The following VPS13D variants were observed in gnomAD, a reference collection of about 807,000 sequenced individuals.
VPS13D encodes the protein intermembrane lipid transfer protein VPS13D.
In VPS13D, 187 loss-of-function variants were observed where a neutral mutation model predicts 461.9. The observed-to-expected ratio is 0.40, with a 90% CI of 0.36 to 0.46. The LOEUF (loss-of-function observed/expected upper bound fraction) is 0.46, where lower values mean the gene tolerates loss of function less well. VPS13D is among the 20% of genes least tolerant of loss of function. VPS13D has a pLI of 0.60. For missense variants in VPS13D, 4,711 were observed against 5,364.9 expected, an observed-to-expected ratio of 0.88 and a Z score of 3.81; for synonymous variants, 1,951 against 1,986.3, an observed-to-expected ratio of 0.98 and a Z score of 0.47.
Position 12,507,395 on chromosome 1 carries a change from G to A in VPS13D, c.13035+302G>A. 1.7e-6 allele frequency: 1 copy of A among 603,486 alleles called. No homozygotes were observed. The highest frequency in any genetic ancestry group is 1.4e-5 in the South Asian group (1 of 71,212). The allele number at this position is 603,486 out of a possible 1,614,324, so 37.4% of individuals were successfully genotyped here. On this transcript the variant is annotated intron_variant, in intron 69 of 69. Transcript: ENST00000620676. The surrounding 1 kb of genome is among the most constrained non-coding windows in gnomAD (Gnocchi z 5.3). ...TTACTCTCGTTGGTGATAAGGAACA[G>A]CTAACACAACACACAGGGTTTTTCT...
At chr1:12,452,498 G>A (rs1291613344) in intron 65 of VPS13D, among the ~76,000 whole-genome samples, 2 of 152,240 alleles carry the variant, frequency 1.3e-5, no homozygotes, top group African/African-American at 4.8e-5. Context: ...TCCCTCCACA[G>A]CCCACTTGTT....
At chr1:12,451,343 C>T (rs937164167) in intron 65 of VPS13D, among the ~76,000 whole-genome samples, 4 of 152,140 alleles carry the variant, frequency 2.6e-5, no homozygotes, top group African/African-American at 9.7e-5. Context: ...TACCCCCTTG[C>T]TGAAAATATT....
intron 37 of VPS13D, among the ~76,000 whole-genome samples, chr1:12,332,546 T>A (rs559835801): frequency 1.3e-5 from 2 of 152,314 alleles, no homozygotes; most frequent in East Asian, 3.9e-4. Context: ...AAGGTATATA[T>A]GCTTGGTAAA....
intron 65 of VPS13D, among the ~76,000 whole-genome samples, chr1:12,430,124 G>T (rs1644973008): frequency 6.6e-6 from 1 of 152,122 alleles, no homozygotes; most frequent in African/African-American, 2.4e-5. Flanking sequence ...GGCCATTGAG[G>T]TAATTTTCTC....
At chr1:12,358,357 A>G in intron 49 of VPS13D, 102 bp from the exon 50 acceptor site, 3 of 1,457,926 alleles carry the variant, frequency 2.1e-6, no homozygotes, top group Non-Finnish European at 2.8e-6. Flanking sequence ...AGTGGTAGAG[A>G]TGGAACTTGG....
At chr1:12,466,649 A>T (rs1389784333) in intron 67 of VPS13D, among the ~76,000 whole-genome samples, 1 of 152,206 alleles carries the variant, frequency 6.6e-6, no homozygotes, top group African/African-American at 2.4e-5. Flanking sequence ...GGTACGCTGT[A>T]GTAGCATCCA....
Position 12,358,518 on chromosome 1 carries a change from G to A in VPS13D, c.10058G>A (p.Gly3353Asp). The change falls in exon 50 of 70, where the codon GGC becomes GAC. Residue 3353 changes from glycine to aspartate, a missense_variant. Transcript: ENST00000620676. Reference protein sequence around the residue: ...HPEGMPGWCQGFSLDGGSGVR... With the variant: ...HPEGMPGWCQDFSLDGGSGVR... Reference sequence around the variant, plus strand: ...GAAGGCATGCCGGGCTGGTGTCAGGGCTTCTCCCTGGATGGTGGTAGTGGT... The same window carrying A: ...GAAGGCATGCCGGGCTGGTGTCAGGACTTCTCCCTGGATGGTGGTAGTGGT... The A allele has an allele frequency of 6.2e-7, 1 of 1,614,182 alleles. No individual in the cohort carries two copies. The highest frequency in any genetic ancestry group is 8.5e-7 in the Non-Finnish European group (1 of 1,180,028).
At chr1:12,265,511 A>G (rs149530311) in intron 13 of VPS13D, among the ~76,000 whole-genome samples, 42 of 152,294 alleles carry the variant, frequency 2.8e-4, no homozygotes, top group African/African-American at 9.1e-4. Context: ...TGATGGACCT[A>G]GGTAAAGTAT....
At chr1:12,312,156 G>A (rs894875479) in intron 29 of VPS13D, among the ~76,000 whole-genome samples, 21 of 152,326 alleles carry the variant, frequency 1.4e-4, no homozygotes, top group African/African-American at 5.1e-4. Flanking sequence ...AAGTATCAGT[G>A]ACTTAAAACA....
chr1:12,488,137 T>C (rs1260950643), intron 67 of VPS13D, among the ~76,000 whole-genome samples: 2 of 152,212 alleles, frequency 1.3e-5, no homozygotes, highest in South Asian at 2.1e-4. Context: ...GGAGAACTTG[T>C]CCCCCAGGGT....
chr1:12,433,580 A>G (rs1260571068), intron 65 of VPS13D, among the ~76,000 whole-genome samples: 2 of 152,202 alleles, frequency 1.3e-5, no homozygotes, highest in Non-Finnish European at 2.9e-5. Flanking sequence ...GGTCATTCCA[A>G]GTTCACGCAG....
chr1:12,485,339 C>T (rs767164157), intron 67 of VPS13D, among the ~76,000 whole-genome samples: 1 of 152,200 alleles, frequency 6.6e-6, no homozygotes, highest in African/African-American at 2.4e-5. Flanking sequence ...GGCAGGATGG[C>T]CAGCCCAGGG....
chr1:12,314,102 T>G lies in VPS13D; in HGVS notation c.6936-13T>G. On this transcript the variant is annotated splice_polypyrimidine_tract_variant and intron_variant, in intron 29 of 69. Coordinates refer to ENST00000620676, the MANE Select transcript of VPS13D (RefSeq NM_015378.4). The stretch of plus-strand genomic sequence containing the variant: ...TGTTTCACATCTTGCTTGCTTTCTT[T>G]TCTCTCTTTTAGATTTGACTTCAAG... The G allele has an allele frequency of 1.2e-6, 2 of 1,611,362 alleles. No individual in the cohort carries two copies. Among genetic ancestry groups the G allele is most frequent in the African/African-American group, 1.3e-5 (1 of 75,010 alleles).
intron 57 of VPS13D, among the ~76,000 whole-genome samples, chr1:12,381,991 TC>T (rs1644287512): frequency 6.7e-6 from 1 of 148,562 alleles, no homozygotes; most frequent in Admixed American, 6.8e-5. Flanking sequence ...TCTCTCTCTC[TC>T]TCTCCTTCCT....
Position 12,348,882 on chromosome 1 carries a change from G to GAAAGTCATCACTGTCCGGTCAGC in VPS13D, c.9130_9152dup (p.Leu3052LysfsTer11). ...CAGTGACTATGGAAGGCAGTGCACGGAAAGTCATCACTGTCCGGTCAGCCC... is the reference window on the plus strand; with the variant it reads ...CAGTGACTATGGAAGGCAGTGCACGGAAAGTCATCACTGTCCGGTCAGCAAAGTCATCACTGTCCGGTCAGCCC... On this transcript the variant is annotated frameshift_variant, in exon 45 of 70. Transcript: ENST00000620676. LOFTEE classifies it high-confidence loss of function. 1 of 1,614,170 alleles carries GAAAGTCATCACTGTCCGGTCAGC rather than the reference G, an allele frequency of 6.2e-7. No individual in the cohort carries two copies. Among genetic ancestry groups the GAAAGTCATCACTGTCCGGTCAGC allele is most frequent in the Non-Finnish European group, 8.5e-7 (1 of 1,180,032 alleles).
chr1:12,417,094 C>T (rs1307943176), intron 65 of VPS13D, among the ~76,000 whole-genome samples: 5 of 152,110 alleles, frequency 3.3e-5, no homozygotes, highest in Non-Finnish European at 7.4e-5. Flanking sequence ...TGCAATAGCC[C>T]CCAGCACCCT....
chr1:12,462,855 AG>A (rs1287201928), intron 67 of VPS13D, among the ~76,000 whole-genome samples: 6 of 152,328 alleles, frequency 3.9e-5, no homozygotes, highest in African/African-American at 1.4e-4. Context: ...CCTCAGCAGC[AG>A]AGACCATGCC....
intron 55 of VPS13D, among the ~76,000 whole-genome samples, chr1:12,377,312 G>A (rs1644213076): frequency 1.3e-5 from 2 of 150,376 alleles, no homozygotes; most frequent in Admixed American, 6.6e-5. Flanking sequence ...CACCTGCCTC[G>A]GCCTCCCAAA....
intron 27 of VPS13D, among the ~76,000 whole-genome samples, 198 bp downstream of exon 27, chr1:12,308,839 A>T (rs1214624789): frequency 6.6e-6 from 1 of 151,684 alleles, no homozygotes; most frequent in Non-Finnish European, 1.5e-5. Flanking sequence ...TTTAGTAGAG[A>T]TGGGGTTTTA....
Sources: gnomAD v4.1 joint callset for allele counts (sites outside exome capture counted in the v4.1 genomes callset) on GRCh38, gnomAD v4.1.1 for gene constraint, Gnocchi (gnomAD v3.1) non-coding constraint, MANE v1.5 for transcripts, NCBI Gene and HGNC (gene_info 2026-07-23, HGNC 2026-07-21) for gene names.